KHDRBS3: variants seen among roughly 807,000 people sequenced by gnomAD.
KHDRBS3 encodes the protein KH domain-containing, RNA-binding, signal transduction-associated protein 3.
KHDRBS3 carries 23 observed loss-of-function variants against 45.6 expected under a neutral mutation model. The observed-to-expected ratio is 0.50, with a 90% confidence interval of 0.36 to 0.72. The LOEUF (loss-of-function observed/expected upper bound fraction) is 0.72. Among genes scored for constraint, KHDRBS3 ranks in the 30% least tolerant of loss-of-function variants. KHDRBS3 has a pLI of 0.00. For missense variants in KHDRBS3, 352 were observed against 424.8 expected, an observed-to-expected ratio of 0.83 and a Z score of 1.51; for synonymous variants, 162 against 156.5, an observed-to-expected ratio of 1.04 and a Z score of -0.26.
At chr8:135,598,444 A>G (rs947205122) in intron 6 of KHDRBS3, among the ~76,000 whole-genome samples, 4 of 152,196 alleles carry the variant, frequency 2.6e-5, no homozygotes, top group Non-Finnish European at 4.4e-5. Flanking sequence ...CCACACAGCT[A>G]GTAAGTGGCA....
chr8:135,647,165 C>T lies in KHDRBS3; in HGVS notation c.*81C>T. On this transcript the variant is annotated 3_prime_UTR_variant, in exon 9 of 9. Coordinates refer to ENST00000355849, the MANE Select transcript of KHDRBS3 (RefSeq NM_006558.3). ...AAAGTAATTTTTTTCTATGAACAAT[C>T]CCTTTTTAAATAAATCAGAATGCTT... 1 of 556,848 alleles carries T rather than the reference C, an allele frequency of 1.8e-6. No homozygotes were observed. Among genetic ancestry groups the T allele is most frequent in the Non-Finnish European group, 3.2e-6 (1 of 317,378 alleles). The allele number at this position is 556,848 out of a possible 1,614,324, so 34.5% of individuals were successfully genotyped here.
At chr8:135,522,557 C>G (rs1002586703) in intron 2 of KHDRBS3, among the ~76,000 whole-genome samples, 1 of 152,204 alleles carries the variant, frequency 6.6e-6, no homozygotes, top group Non-Finnish European at 1.5e-5. Flanking sequence ...GCCTCATACC[C>G]TCATCAGTAT....
At chr8:135,487,956 A>G (rs547379221) in intron 1 of KHDRBS3, among the ~76,000 whole-genome samples, 1 of 152,076 alleles carries the variant, frequency 6.6e-6, no homozygotes, top group Admixed American at 6.5e-5. Context: ...TTCAAAAATT[A>G]TATCAAATCA....
intron 5 of KHDRBS3, among the ~76,000 whole-genome samples, chr8:135,577,618 C>A (rs1693785161): frequency 1.3e-5 from 2 of 152,060 alleles, no homozygotes. Flanking sequence ...GAATCATTTT[C>A]TACTGTATGC....
intron 7 of KHDRBS3, chr8:135,626,094 A>C: frequency 2.0e-6 from 1 of 512,134 alleles, no homozygotes; most frequent in South Asian, 3.6e-5. Context: ...CAACAAAAAT[A>C]AGGACTCATT....
At chr8:135,622,190 C>G (rs1178135215) in intron 7 of KHDRBS3, among the ~76,000 whole-genome samples, 1 of 152,200 alleles carries the variant, frequency 6.6e-6, no homozygotes, top group Non-Finnish European at 1.5e-5. Flanking sequence ...TCCCCTCCCC[C>G]AGTGCCTACC....
chr8:135,506,718 T>G (rs1352518507), intron 1 of KHDRBS3, among the ~76,000 whole-genome samples: 1 of 149,706 alleles, frequency 6.7e-6, no homozygotes, highest in Non-Finnish European at 1.5e-5. Context: ...AAAAATATTT[T>G]AAAGACAGTT....
intron 1 of KHDRBS3, among the ~76,000 whole-genome samples, chr8:135,485,675 C>T (rs945855638): frequency 1.3e-5 from 2 of 151,712 alleles, no homozygotes; most frequent in Non-Finnish European, 2.9e-5. Flanking sequence ...GTGATATAAT[C>T]ACGCACAAAT....
chr8:135,545,307 C>T (rs1455675501), intron 3 of KHDRBS3, among the ~76,000 whole-genome samples: 1 of 152,076 alleles, frequency 6.6e-6, no homozygotes, highest in Non-Finnish European at 1.5e-5. Flanking sequence ...ATTGTCATCT[C>T]CCTTCAAGGA....
At chr8:135,520,509 C>T (rs1824853696) in intron 1 of KHDRBS3, among the ~76,000 whole-genome samples, 2 of 151,910 alleles carry the variant, frequency 1.3e-5, no homozygotes, top group Admixed American at 1.3e-4. Flanking sequence ...AGAGGTAGCA[C>T]ATTTTTTTTT....
chr8:135,524,887 C>G (rs1350958934), intron 2 of KHDRBS3, among the ~76,000 whole-genome samples: 9 of 151,900 alleles, frequency 5.9e-5, no homozygotes. Flanking sequence ...ATTTTTTTCT[C>G]TCTTGGGATT....
At chr8:135,516,603 A>T (rs2130623149) in intron 1 of KHDRBS3, among the ~76,000 whole-genome samples, 1 of 80,874 alleles carries the variant, frequency 1.2e-5, no homozygotes, top group Non-Finnish European at 2.8e-5. Context: ...TGTGTGAGTA[A>T]ACAGTGCATT....
At chr8:135,548,941 G>A (rs1293146598) in intron 4 of KHDRBS3, 41 bp downstream of exon 4, 4 of 1,442,112 alleles carry the variant, frequency 2.8e-6, no homozygotes, top group South Asian at 1.4e-5. Context: ...GTACTTTAAA[G>A]TCTTTGCTTT....
At chr8:135,580,406 A>G (rs537074174) in intron 5 of KHDRBS3, among the ~76,000 whole-genome samples, 26 of 152,312 alleles carry the variant, frequency 1.7e-4, no homozygotes, top group South Asian at 6.2e-4. Context: ...ATCATTAACT[A>G]TTGATTAAAT....
chr8:135,607,180 G>T, intron 7 of KHDRBS3, 143 bp downstream of exon 7: 1 of 555,342 alleles, frequency 1.8e-6, no homozygotes, highest in Non-Finnish European at 3.2e-6. Flanking sequence ...GAGAAGCCCT[G>T]TCTGTTCTAG....
chr8:135,472,627 T>C (rs1466440888), intron 1 of KHDRBS3, among the ~76,000 whole-genome samples: 1 of 152,224 alleles, frequency 6.6e-6, no homozygotes, highest in African/African-American at 2.4e-5. Flanking sequence ...CATGCATGGC[T>C]AAGGAGTGCA....
At chr8:135,625,800 A>G in intron 7 of KHDRBS3, 1 of 768,904 alleles carries the variant, frequency 1.3e-6, no homozygotes, top group South Asian at 1.4e-5. Context: ...TTAGAATTTC[A>G]CTTTCTTCAA....
At chr8:135,527,443 A>T (rs887321321) in intron 2 of KHDRBS3, among the ~76,000 whole-genome samples, 4 of 152,226 alleles carry the variant, frequency 2.6e-5, no homozygotes, top group Admixed American at 6.5e-5. Context: ...GGGAATTACA[A>T]GCCATTTAAT....
intron 1 of KHDRBS3, among the ~76,000 whole-genome samples, chr8:135,473,953 T>A (rs1822143922): frequency 6.6e-6 from 1 of 152,200 alleles, no homozygotes; most frequent in Non-Finnish European, 1.5e-5. Context: ...CTGCTGCTGA[T>A]GTTGCAGTTT....
Sources: gnomAD v4.1 joint callset for allele counts (sites outside exome capture counted in the v4.1 genomes callset) on GRCh38, gnomAD v4.1.1 for gene constraint, MANE v1.5 for transcripts, NCBI Gene and HGNC (gene_info 2026-07-23, HGNC 2026-07-21) for gene names.